The following HNMT variants were observed in gnomAD, a reference collection of about 807,000 sequenced individuals.
HNMT encodes the protein histamine N-methyltransferase.
Under a neutral mutation model 32.1 loss-of-function variants are expected in HNMT, and 30 were observed. The ratio of observed to expected loss-of-function variants is 0.93; its 90% CI spans 0.70 to 1.27. The LOEUF is 1.27. Among genes scored for constraint, HNMT ranks in the 50% most tolerant of loss-of-function variants. The pLI is 0.00. For missense variants in HNMT, 327 were observed against 346.0 expected (o/e 0.95, Z 0.43); for synonymous variants, 125 against 119.0 (o/e 1.05, Z -0.33).
rs1225562648 is a variant in HNMT, at chr2:137,979,824, C to T, written c.190+9607C>T. Among the ~76,000 whole-genome samples, 4 of 152,018 alleles carry T rather than the reference C, an allele frequency of 2.6e-5. No homozygotes were observed. The South Asian group carries it at 8.3e-4, about 31-fold the overall frequency. On this transcript the variant is annotated intron_variant, in intron 2 of 5. Transcript: ENST00000280097. ...TGTTTCTTTTCTACTTTTTACCTTT[C>T]TCTATGTCCTGAGTTTTCTGCATTA...
intron 5 of HNMT, among the ~76,000 whole-genome samples, chr2:138,010,075 G>A (rs1681448623): frequency 6.6e-6 from 1 of 151,960 alleles, no homozygotes; most frequent in African/African-American, 2.4e-5. Flanking sequence ...AAGGGAAGAT[G>A]CTTCTGTGTA....
chr2:137,965,952 G>C (rs921887023), intron 1 of HNMT, among the ~76,000 whole-genome samples: 1 of 152,150 alleles, frequency 6.6e-6, no homozygotes, highest in Non-Finnish European at 1.5e-5. Flanking sequence ...GTGAAAGACT[G>C]AAGAATTTTT....
chr2:137,982,118 G>A lies in HNMT; in HGVS notation c.190+11901G>A, dbSNP rs368456537. On this transcript the variant is annotated intron_variant, in intron 2 of 5. Coordinates refer to ENST00000280097, the MANE Select transcript of HNMT (RefSeq NM_006895.3). ...CCAGCCTAGGCCTCCCGAAGTGCTG[G>A]GATTACAGGCAGGAGCCACTGCGCC... Among the ~76,000 whole-genome samples the A allele has an allele frequency of 1.1e-4, 16 of 152,234 alleles. No individual in the cohort carries two copies. The East Asian group carries it at 2.9e-3, about 28-fold the overall frequency.
At chr2:137,989,643 G>T (rs1251689714) in intron 2 of HNMT, among the ~76,000 whole-genome samples, 1 of 152,208 alleles carries the variant, frequency 6.6e-6, no homozygotes, top group Non-Finnish European at 1.5e-5. Flanking sequence ...CATATGGTAA[G>T]GTTATGCTTC....
chr2:138,002,374 T>C, intron 4 of HNMT, 180 bp downstream of exon 4: 1 of 1,033,916 alleles, frequency 9.7e-7, no homozygotes, highest in Non-Finnish European at 1.2e-6. Context: ...AAGATTCTCT[T>C]TAACATTCCA....
chr2:138,010,994 G>A (rs1681486480), intron 5 of HNMT, among the ~76,000 whole-genome samples: 1 of 151,920 alleles, frequency 6.6e-6, no homozygotes, highest in Non-Finnish European at 1.5e-5. Flanking sequence ...AAATCATTGT[G>A]TGTTATTTTT....
At chr2:137,969,481 T>A (rs534051930) in intron 1 of HNMT, among the ~76,000 whole-genome samples, 2 of 152,304 alleles carry the variant, frequency 1.3e-5, no homozygotes, top group East Asian at 3.9e-4. Context: ...TTTCTCAGCT[T>A]CCTTTTTGGC....
chr2:137,983,570 G>T (rs1175244073), intron 2 of HNMT, among the ~76,000 whole-genome samples: 1 of 152,134 alleles, frequency 6.6e-6, no homozygotes, highest in Non-Finnish European at 1.5e-5. Flanking sequence ...TTATTAACGT[G>T]CAGTGCTCAT....
At chr2:137,974,949 T>C (rs1680243528) in intron 2 of HNMT, among the ~76,000 whole-genome samples, 1 of 152,142 alleles carries the variant, frequency 6.6e-6, no homozygotes, top group African/African-American at 2.4e-5. Flanking sequence ...TCTACAGAGG[T>C]TAAAACCTAG....
intron 4 of HNMT, among the ~76,000 whole-genome samples, chr2:138,003,532 A>G (rs1178164935): frequency 6.6e-6 from 1 of 152,098 alleles, no homozygotes; most frequent in African/African-American, 2.4e-5. Flanking sequence ...TAGCTGATGA[A>G]ATCTTTTGCC....
chr2:137,964,619 T>A lies in HNMT; in HGVS notation c.128T>A (p.Ile43Lys). ...TTCATGGACAAGAAGCTGCCAGGCA[T>A]AATAGGAAGGTAACAAAAGGGACGT... ...QEFMDKKLPG[I>K]IGRIGDTKSE... The change falls in exon 1 of 6, where the codon ATA (isoleucine) becomes AAA (lysine). Residue 43 changes from isoleucine (I) to lysine (K), a missense_variant. Transcript: ENST00000280097. 1 of 1,613,632 alleles carries A rather than the reference T, an allele frequency of 6.2e-7. No homozygotes were observed. Among genetic ancestry groups the A allele is most frequent in the Non-Finnish European group, 8.5e-7 (1 of 1,179,726 alleles).
At chr2:137,987,982 C>A (rs1321843664) in intron 2 of HNMT, among the ~76,000 whole-genome samples, 1 of 151,980 alleles carries the variant, frequency 6.6e-6, no homozygotes, top group Admixed American at 6.6e-5. Context: ...TAGGAGTTAG[C>A]CAGCTGAAGT....
intron 1 of HNMT, among the ~76,000 whole-genome samples, chr2:137,969,834 C>T (rs1200734329): frequency 2.6e-5 from 4 of 152,118 alleles, no homozygotes; most frequent in Admixed American, 6.5e-5. Flanking sequence ...CCTTTATCTA[C>T]GATGAGTGGC....
intron 5 of HNMT, among the ~76,000 whole-genome samples, chr2:138,010,742 T>C (rs951840760): frequency 6.6e-6 from 1 of 152,016 alleles, no homozygotes; most frequent in Non-Finnish European, 1.5e-5. Context: ...TGAAAGAAAT[T>C]TGATTTGGGG....
chr2:138,013,291 A>G (rs1681564780), intron 5 of HNMT, among the ~76,000 whole-genome samples: 1 of 151,870 alleles, frequency 6.6e-6, no homozygotes. Flanking sequence ...TGGGCCCTTC[A>G]TCCACTCCCC....
intron 2 of HNMT, among the ~76,000 whole-genome samples, chr2:137,970,784 G>A (rs1204527587): frequency 1.3e-5 from 2 of 151,988 alleles, no homozygotes; most frequent in African/African-American, 2.4e-5. Flanking sequence ...GCCAAGCGTG[G>A]TGGCAGACGC....
At position 138,005,196 on chromosome 2, in the gene HNMT, A is replaced by G. The variant is rs573905739; in HGVS notation, c.494A>G (p.Asn165Ser). 5.3e-5 allele frequency: 85 copies of G among 1,597,026 alleles called. 1 individual carries two copies. In the South Asian group the frequency reaches 6.5e-4, roughly 12 times the overall value. Residue 165 changes from asparagine to serine, a missense_variant, in exon 5 of 6, where the codon AAT becomes AGT. Transcript: ENST00000280097. ...LKFFHSLLGT[N>S]AKMLIIVVSG... is the part of the protein sequence containing the mutation. Reference sequence around the variant, plus strand: ...TTCTTCCATAGTCTCTTAGGTACCAATGCTAAGATGCTCATTATTGTTGTG... The same window carrying G: ...TTCTTCCATAGTCTCTTAGGTACCAGTGCTAAGATGCTCATTATTGTTGTG...
At chr2:137,981,169 A>G (rs759907252) in intron 2 of HNMT, 87 of 1,576,610 alleles carry the variant, frequency 5.5e-5, no homozygotes, top group Non-Finnish European at 6.5e-5. Flanking sequence ...ATCGAATGGC[A>G]GGAGATATGG....
intron 2 of HNMT, among the ~76,000 whole-genome samples, chr2:137,978,946 T>C (rs565405678): frequency 1.5e-4 from 21 of 140,428 alleles, no homozygotes; most frequent in Middle Eastern, 7.5e-3. Flanking sequence ...AAATAGGTAA[T>C]CTATTATATT....
Sources: allele counts gnomAD v4.1 joint callset (sites outside exome capture counted in the v4.1 genomes callset), GRCh38; gene constraint gnomAD v4.1.1; transcripts MANE v1.5; gene names NCBI Gene and HGNC (gene_info 2026-07-23, HGNC 2026-07-21).